Variants in CDH20 observed in about 807,000 individuals in gnomAD.
CDH20 encodes the protein cadherin 20.
CDH20 carries 29 observed loss-of-function variants against 74.2 expected under a neutral mutation model. The ratio of observed to expected loss-of-function variants is 0.39; its 90% CI spans 0.29 to 0.53. The LOEUF is 0.53. CDH20 is among the 20% of genes least tolerant of loss of function. CDH20 has a pLI of 0.69. For missense variants in CDH20, 988 were observed against 1,048.3 expected, an observed-to-expected ratio of 0.94 and a Z score of 0.79; for synonymous variants, 469 against 405.4, an observed-to-expected ratio of 1.16 and a Z score of -1.88.
chr18:61,396,972 G>A (rs891584468), intron 1 of CDH20, among the ~76,000 whole-genome samples: 2 of 152,268 alleles, frequency 1.3e-5, no homozygotes, highest in Middle Eastern at 3.4e-3. Flanking sequence ...TTGCTACTAC[G>A]TATGTTCCCG....
At chr18:61,420,651 A>T (rs543670261) in intron 1 of CDH20, among the ~76,000 whole-genome samples, 1 of 152,194 alleles carries the variant, frequency 6.6e-6, no homozygotes, top group Non-Finnish European at 1.5e-5. Flanking sequence ...GCAGTGGTAC[A>T]CAGGACAGAA....
chr18:61,432,502 T>C (rs1913291535), intron 1 of CDH20, among the ~76,000 whole-genome samples: 1 of 152,192 alleles, frequency 6.6e-6, no homozygotes, highest in Non-Finnish European at 1.5e-5. Flanking sequence ...TTGGAGGAGA[T>C]ACGACCTTCT....
intron 1 of CDH20, among the ~76,000 whole-genome samples, chr18:61,342,996 T>C (rs1910001409): frequency 6.6e-6 from 1 of 152,152 alleles, no homozygotes; most frequent in Non-Finnish European, 1.5e-5. Flanking sequence ...CAACAAAAGC[T>C]GGAACAATGG....
chr18:61,352,404 A>T (rs1390972609), intron 1 of CDH20, among the ~76,000 whole-genome samples: 2 of 152,180 alleles, frequency 1.3e-5, no homozygotes, highest in African/African-American at 2.4e-5. Context: ...GCATCAATGG[A>T]GCTTTGTGAT....
intron 1 of CDH20, among the ~76,000 whole-genome samples, chr18:61,412,538 A>C (rs1349786109): frequency 6.6e-6 from 1 of 152,244 alleles, no homozygotes; most frequent in Non-Finnish European, 1.5e-5. Flanking sequence ...TGTTTATAAT[A>C]AATAGAAAAA....
chr18:61,529,098 T>C (rs1224150651), intron 7 of CDH20, among the ~76,000 whole-genome samples: 2 of 152,174 alleles, frequency 1.3e-5, no homozygotes, highest in Non-Finnish European at 2.9e-5. Flanking sequence ...GTGCAAATAG[T>C]TGATGGACAG....
chr18:61,554,817 C>T lies in CDH20; in HGVS notation c.*122C>T. 3 of 1,429,972 alleles carry T rather than the reference C, an allele frequency of 2.1e-6. No individual in the cohort carries two copies. The highest frequency in any genetic ancestry group is 2.6e-4 in the Middle Eastern group (1 of 3,890). 88.6% of individuals were successfully genotyped at this position (1,429,972 alleles called of 1,614,324 possible). The stretch of plus-strand genomic sequence containing the variant: ...GAGAGTGAGAATGGGGGTGAGCAGG[C>T]GAACAGAGCTCTCTCTGGATCAGCT... On this transcript the variant is annotated 3_prime_UTR_variant, in exon 12 of 12. Coordinates refer to ENST00000262717, the MANE Select transcript of CDH20 (RefSeq NM_031891.4).
intron 8 of CDH20, among the ~76,000 whole-genome samples, chr18:61,538,581 T>TGG (rs142450484): frequency 8.4e-5 from 4 of 47,684 alleles, no homozygotes; most frequent in Non-Finnish European, 4.4e-5. Context: ...ATAACTACTT[T>TGG]TTGTTTGTTT....
intron 1 of CDH20, among the ~76,000 whole-genome samples, chr18:61,487,873 C>T (rs1244093634): frequency 1.3e-5 from 2 of 152,056 alleles, no homozygotes; most frequent in East Asian, 1.9e-4. Context: ...CTTACAATTC[C>T]TCAAATCTCA....
Position 61,484,470 on chromosome 18 carries a change from GGAAA to G in CDH20, c.-152-5925_-152-5922del, listed in dbSNP as rs547530150. Among the ~76,000 whole-genome samples, 391 of 152,214 alleles carry G rather than the reference GGAAA, an allele frequency of 2.6e-3. 1 individual carries two copies. The highest frequency in any genetic ancestry group is 4.2e-3 in the Non-Finnish European group (289 of 68,012). Reference sequence around the variant, plus strand: ...TCTATTCGCCAGCCTTGGCGGATACGGAAAGAAAGACAGGGCACCCTGGACTGCA... The same window carrying G: ...TCTATTCGCCAGCCTTGGCGGATACGGAAAGACAGGGCACCCTGGACTGCA... On this transcript the variant is annotated intron_variant, in intron 1 of 11. Coordinates refer to ENST00000262717, the MANE Select transcript of CDH20 (RefSeq NM_031891.4).
At chr18:61,452,950 T>C (rs1031952067) in intron 1 of CDH20, among the ~76,000 whole-genome samples, 2 of 152,326 alleles carry the variant, frequency 1.3e-5, no homozygotes, top group East Asian at 3.9e-4. Context: ...CTCTTTGTTT[T>C]GAGGAAATTA....
chr18:61,418,228 G>C (rs559109511), intron 1 of CDH20, among the ~76,000 whole-genome samples: 1 of 151,934 alleles, frequency 6.6e-6, no homozygotes, highest in Non-Finnish European at 1.5e-5. Flanking sequence ...ATCAATAATA[G>C]GCAACCAATT....
chr18:61,391,058 A>G (rs964799446), intron 1 of CDH20, among the ~76,000 whole-genome samples: 1 of 152,220 alleles, frequency 6.6e-6, no homozygotes, highest in Non-Finnish European at 1.5e-5. Context: ...TAAAAGGCGA[A>G]CAAAAATCTA....
In CDH20 at chr18:61,554,369, GCCC is replaced by G; in HGVS notation, c.2083_2085del (p.Pro695del). 1 of 1,612,868 alleles carries G rather than the reference GCCC, an allele frequency of 6.2e-7. No homozygotes were observed. Among genetic ancestry groups the G allele is most frequent in the Non-Finnish European group, 8.5e-7 (1 of 1,179,692 alleles). On this transcript the variant is annotated inframe_deletion, in exon 12 of 12. Coordinates refer to ENST00000262717, the MANE Select transcript of CDH20 (RefSeq NM_031891.4). ...CCCCCGGGAGGCGCAGGCGGGGGCCGCCCCCAAGACGCGGCAGGACATGCTGCC... is the reference window on the plus strand; with the variant it reads ...CCCCCGGGAGGCGCAGGCGGGGGCCGCCAAGACGCGGCAGGACATGCTGCC...
intron 1 of CDH20, among the ~76,000 whole-genome samples, chr18:61,340,804 G>A (rs968928056): frequency 2.0e-5 from 3 of 152,024 alleles, no homozygotes; most frequent in South Asian, 2.1e-4. Context: ...GCCAACAGAC[G>A]TAATTTCCTT....
chr18:61,511,185 C>A (rs1911769896), intron 6 of CDH20, among the ~76,000 whole-genome samples: 1 of 150,712 alleles, frequency 6.6e-6, no homozygotes, highest in Non-Finnish European at 1.5e-5. Flanking sequence ...GAGACAGGGT[C>A]TCTCTCTGTC....
At chr18:61,379,313 G>A (rs572570228) in intron 1 of CDH20, among the ~76,000 whole-genome samples, 22 of 152,208 alleles carry the variant, frequency 1.4e-4, no homozygotes, top group Middle Eastern at 3.4e-3. Context: ...GCATTATTAT[G>A]CTCCCTTCAA....
At chr18:61,371,696 C>T (rs1267564952) in intron 1 of CDH20, among the ~76,000 whole-genome samples, 2 of 151,984 alleles carry the variant, frequency 1.3e-5, no homozygotes, top group Non-Finnish European at 2.9e-5. Context: ...AAAAGTAGCT[C>T]ATTAGGAGTT....
chr18:61,379,392 C>G (rs1911358997), intron 1 of CDH20, among the ~76,000 whole-genome samples: 1 of 152,114 alleles, frequency 6.6e-6, no homozygotes, highest in Non-Finnish European at 1.5e-5. Flanking sequence ...GGATGCCAAA[C>G]CTTAGAACAT....
Sources: allele counts gnomAD v4.1 joint callset (sites outside exome capture counted in the v4.1 genomes callset), GRCh38; gene constraint gnomAD v4.1.1; transcripts MANE v1.5; gene names NCBI Gene and HGNC (gene_info 2026-07-23, HGNC 2026-07-21).